Variants in ZGRF1 observed in about 807,000 individuals in gnomAD.
ZGRF1 encodes 5'-3' DNA helicase ZGRF1.
Under a neutral mutation model 203.5 loss-of-function variants are expected in ZGRF1, and 196 were observed. The observed-to-expected ratio is 0.96, with a 90% confidence interval of 0.86 to 1.08. The LOEUF (loss-of-function observed/expected upper bound fraction) is 1.08, where lower values mean the gene tolerates loss of function less well. Among genes scored for constraint, ZGRF1 ranks in the 50% least tolerant of loss-of-function variants. The pLI, the probability that ZGRF1 is intolerant of heterozygous loss-of-function variation, is 0.00. For synonymous variants in ZGRF1, 809 were observed against 841.3 expected (o/e 0.96, Z 0.66); for missense variants, 2,326 against 2,416.3 (o/e 0.96, Z 0.78).
chr4:112,583,147 G>A (rs1380221685), intron 15 of ZGRF1, among the ~76,000 whole-genome samples: 3 of 152,042 alleles, frequency 2.0e-5, no homozygotes, highest in South Asian at 2.1e-4. Flanking sequence ...AATAATTCAT[G>A]CGAAGTGCCT....
chr4:112,562,748 C>T (rs1742245994), intron 17 of ZGRF1, among the ~76,000 whole-genome samples: 1 of 152,178 alleles, frequency 6.6e-6, no homozygotes, highest in Non-Finnish European at 1.5e-5. Context: ...TGAACAAGAA[C>T]ACCTGTTTTG....
rs1462746677 is a variant in ZGRF1 at position 112,554,731 on chromosome 4, C to T, written c.5172G>A (p.Lys1724=). ...ENFIRVGSVR[K]IAKPILPYSL... ...TATAAGGTAAAATTGGTTTGGCAAT[C>T]TTCCTAACACTCCCAACTCTGATAA... Residue 1724 remains lysine, a synonymous_variant, in exon 21 of 28, where the codon AAG becomes AAA. Transcript: ENST00000505019. 2 of 1,544,598 alleles carry T rather than the reference C, an allele frequency of 1.3e-6. No individual in the cohort carries two copies. The highest frequency in any genetic ancestry group is 4.9e-5 in the East Asian group (2 of 40,936).
chr4:112,554,175 G>A (rs545009647), intron 21 of ZGRF1, among the ~76,000 whole-genome samples, 193 bp from the exon 22 acceptor site: 18 of 151,104 alleles, frequency 1.2e-4, no homozygotes, highest in Middle Eastern at 3.5e-3. Flanking sequence ...TTAACATTAG[G>A]TATATCTCCT....
chr4:112,588,000 G>T, intron 11 of ZGRF1, 71 bp from the exon 12 acceptor site: 1 of 1,224,120 alleles, frequency 8.2e-7, no homozygotes, highest in Non-Finnish European at 1.1e-6. Flanking sequence ...AGAAAACAGT[G>T]GGTATACAAA....
At chr4:112,571,275 TAAC>T (rs939449000) in intron 16 of ZGRF1, among the ~76,000 whole-genome samples, 12 of 152,006 alleles carry the variant, frequency 7.9e-5, no homozygotes, top group African/African-American at 2.9e-4. Context: ...AGGAAGCCAA[TAAC>T]AACAATAAAA....
chr4:112,620,128 A>G lies in ZGRF1; in HGVS notation c.225T>C (p.Val75=). ...GCTTAACAATACCTATGGCTCCAGC[A>G]ACTTTAACCTCTTCAACTGTGATTA... is the stretch of plus-strand genomic sequence containing the variant. ...RYLITVEEVK[V]AGAIGIVKQN... Residue 75 remains valine, a synonymous_variant, in exon 5 of 28, where the codon GTT becomes GTC. Coordinates refer to ENST00000505019, the MANE Select transcript of ZGRF1 (RefSeq NM_018392.5). 1 of 1,613,318 alleles carries G rather than the reference A, an allele frequency of 6.2e-7. No homozygotes were observed. Among genetic ancestry groups the G allele is most frequent in the East Asian group, 2.2e-5 (1 of 44,794 alleles).
Position 112,539,682 on chromosome 4 carries a change from T to C in ZGRF1, c.6180A>G (p.Glu2060=), listed in dbSNP as rs1289757710. The stretch of plus-strand genomic sequence containing the variant: ...ACTGGTTTGCATGTTGCAATCCATC[T>C]TCCCTTCCTTAAAAAAACATACGAC... ...GRVIQHCEGR[E]DGLQHANQYE... is the part of the protein sequence containing the mutation. The change falls in exon 28 of 28, where the codon GAA becomes GAG. Residue 2060 remains glutamate (E), a synonymous_variant. Transcript: ENST00000505019. 1.9e-6 allele frequency: 3 copies of C among 1,592,854 alleles called. No homozygotes were observed. In the South Asian group the frequency reaches 3.5e-5, roughly 18 times the overall value.
intron 15 of ZGRF1, among the ~76,000 whole-genome samples, chr4:112,582,945 A>C (rs1219813315): frequency 2.0e-5 from 3 of 152,194 alleles, no homozygotes; most frequent in Non-Finnish European, 4.4e-5. Context: ...CTGCTGAAAT[A>C]AACATGAAAG....
intron 14 of ZGRF1, among the ~76,000 whole-genome samples, chr4:112,585,268 T>TA (rs201683303): frequency 0.07 from 10,720 of 152,082 alleles, 516 homozygotes; most frequent in Non-Finnish European, 0.099. Context: ...ACCCTGTGTC[T>TA]AAAAAAATAG....
intron 10 of ZGRF1, among the ~76,000 whole-genome samples, chr4:112,600,567 T>C (rs1322245419): frequency 6.6e-6 from 1 of 152,060 alleles, no homozygotes; most frequent in African/African-American, 2.4e-5. Flanking sequence ...GGTGGGCACC[T>C]GTAATCCCAG....
In ZGRF1 at chr4:112,630,480, T is replaced by C. The variant is rs561589149; in HGVS notation, c.102+1450A>G. Among the ~76,000 whole-genome samples, 200 of 152,176 alleles carry C rather than the reference T, an allele frequency of 1.3e-3. 3 individuals carry two copies. Among genetic ancestry groups the C allele is most frequent in the Non-Finnish European group, 1.5e-3 (104 of 68,012 alleles). ...CTTCAGGGAGCCGAGATTGTGCCAC[T>C]GCACTCCAGCCTGGGCGACAAGAGC... On this transcript the variant is annotated intron_variant, in intron 3 of 27. Transcript: ENST00000505019.
intron 22 of ZGRF1, among the ~76,000 whole-genome samples, chr4:112,550,824 C>A (rs1320751097): frequency 6.6e-6 from 1 of 152,074 alleles, no homozygotes; most frequent in Non-Finnish European, 1.5e-5. Context: ...TGCACTCCAG[C>A]CTGGACAGAG....
intron 8 of ZGRF1, among the ~76,000 whole-genome samples, chr4:112,607,660 G>C (rs963782580): frequency 1.3e-5 from 2 of 152,188 alleles, no homozygotes; most frequent in African/African-American, 4.8e-5. Context: ...TTATAGGCCA[G>C]GCACATGCCT....
chr4:112,618,187 C>T lies in ZGRF1; in HGVS notation c.1855G>A (p.Val619Met), dbSNP rs761110164. The T allele has an allele frequency of 1.2e-6, 2 of 1,613,794 alleles. No individual in the cohort carries two copies. Among genetic ancestry groups the T allele is most frequent in the South Asian group, 2.2e-5 (2 of 91,004 alleles). Residue 619 changes from valine (V) to methionine (M), a missense_variant, in exon 6 of 28, where the codon GTG becomes ATG. Transcript: ENST00000505019. ...LPSQFCDKTY[V>M]GFDMGICKTE... The stretch of plus-strand genomic sequence containing the variant: ...TTACATATTCCCATGTCAAAACCCA[C>T]ATAAGTTTTATCACAAAACTGTGAT...
At chr4:112,557,167 T>C (rs942553569) in intron 20 of ZGRF1, among the ~76,000 whole-genome samples, 2 of 149,646 alleles carry the variant, frequency 1.3e-5, no homozygotes, top group East Asian at 1.9e-4. Context: ...TTTAGCCTAC[T>C]TCTTCTTCTT....
intron 16 of ZGRF1, among the ~76,000 whole-genome samples, chr4:112,569,448 GA>G (rs1277721026): frequency 6.6e-6 from 1 of 152,110 alleles, no homozygotes; most frequent in Non-Finnish European, 1.5e-5. Flanking sequence ...CTCTTTTTGG[GA>G]ACCAGTAAGT....
chr4:112,554,925 A>C (rs1171620380), intron 20 of ZGRF1, 143 bp from the exon 21 acceptor site: 2 of 460,102 alleles, frequency 4.3e-6, no homozygotes, highest in Non-Finnish European at 7.6e-6. Context: ...AACTCAAACA[A>C]AGTAAATGCA....
chr4:112,574,594 C>G (rs1157710014), intron 16 of ZGRF1, among the ~76,000 whole-genome samples: 1 of 152,134 alleles, frequency 6.6e-6, no homozygotes, highest in Non-Finnish European at 1.5e-5. Flanking sequence ...TGTGGGCTCA[C>G]AGATGCTTAT....
intron 18 of ZGRF1, among the ~76,000 whole-genome samples, chr4:112,561,965 G>GTGCAA (rs1270146338): frequency 6.7e-6 from 1 of 148,354 alleles, no homozygotes; most frequent in East Asian, 2.0e-4. Context: ...CCAGGCTGGG[G>GTGCAA]TGCAATGGCA....
Sources: gnomAD v4.1 joint callset for allele counts (sites outside exome capture counted in the v4.1 genomes callset) on GRCh38, gnomAD v4.1.1 for gene constraint, MANE v1.5 for transcripts, NCBI Gene and HGNC (gene_info 2026-07-23, HGNC 2026-07-21) for gene names.